TMEM117: variants seen among roughly 807,000 people sequenced by gnomAD.
TMEM117 encodes the protein transmembrane protein 117.
Under a neutral mutation model 52.4 loss-of-function variants are expected in TMEM117, and 27 were observed. That is an observed-to-expected ratio of 0.51 (90% CI 0.38 to 0.71). TMEM117 has a LOEUF of 0.71. TMEM117 is among the 30% of genes least tolerant of loss of function. TMEM117 has a pLI of 0.00. For synonymous variants in TMEM117, 215 were observed against 206.3 expected (o/e 1.04, Z -0.36); for missense variants, 556 against 630.5 (o/e 0.88, Z 1.26).
chr12:44,236,886 A>C (rs1425982778), intron 5 of TMEM117, among the ~76,000 whole-genome samples: 1 of 152,108 alleles, frequency 6.6e-6, no homozygotes, highest in Non-Finnish European at 1.5e-5. Context: ...TTCAAAGTTC[A>C]CCTGTCATAA....
At chr12:44,122,519 G>A (rs1186150901) in intron 3 of TMEM117, among the ~76,000 whole-genome samples, 1 of 152,000 alleles carries the variant, frequency 6.6e-6, no homozygotes, top group Non-Finnish European at 1.5e-5. Context: ...CAGATATTAG[G>A]CCCAGCATCC....
At chr12:43,873,654 TC>T (rs1194616498) in intron 2 of TMEM117, among the ~76,000 whole-genome samples, 1 of 151,894 alleles carries the variant, frequency 6.6e-6, no homozygotes, top group African/African-American at 2.4e-5. Flanking sequence ...ATTTTGTCTT[TC>T]TTTCTGTACA....
intron 2 of TMEM117, among the ~76,000 whole-genome samples, chr12:43,863,274 AC>A (rs1943521982): frequency 1.6e-5 from 2 of 121,604 alleles, no homozygotes; most frequent in Non-Finnish European, 3.7e-5. Context: ...AAACAAACAA[AC>A]AAACAAACAA....
intron 5 of TMEM117, among the ~76,000 whole-genome samples, chr12:44,234,398 T>C (rs1011768235): frequency 4.6e-5 from 7 of 151,490 alleles, no homozygotes; most frequent in African/African-American, 1.7e-4. Flanking sequence ...GAAGTTGTTC[T>C]TAATTTTCTC....
chr12:44,299,776 A>G (rs1365320445), intron 6 of TMEM117, 37 bp downstream of exon 6: 7 of 1,611,086 alleles, frequency 4.3e-6, no homozygotes, highest in East Asian at 2.2e-5. Flanking sequence ...AAGCTGCTGC[A>G]TGCTCTGTTC....
chr12:43,967,755 A>G (rs1011925866), intron 3 of TMEM117, among the ~76,000 whole-genome samples: 1 of 152,204 alleles, frequency 6.6e-6, no homozygotes, highest in African/African-American at 2.4e-5. Context: ...ACAGAAACTG[A>G]GATAATGAAT....
chr12:44,387,142 T>C (rs941383077), intron 7 of TMEM117, among the ~76,000 whole-genome samples: 3 of 151,762 alleles, frequency 2.0e-5, no homozygotes, highest in Non-Finnish European at 4.4e-5. Flanking sequence ...TAAAAAATTA[T>C]AATAGAATCT....
At chr12:44,203,525 G>A (rs1392193234) in intron 4 of TMEM117, among the ~76,000 whole-genome samples, 40 of 151,936 alleles carry the variant, frequency 2.6e-4, no homozygotes, top group Non-Finnish European at 2.9e-4. Flanking sequence ...TGTTTTTCTA[G>A]TCCTCTAGGT....
chr12:44,036,792 C>A lies in TMEM117; in HGVS notation c.410+92450C>A, dbSNP rs145780562. Among the ~76,000 whole-genome samples the A allele has an allele frequency of 1.0e-3, 155 of 152,224 alleles. 2 individuals carry two copies. In the East Asian group the frequency reaches 0.025, roughly 24 times the overall value. ...TATCTTCAACTTTGTTACATAATGC[C>A]AAATGATTATCCAGGTTGGTTGTAC... On this transcript the variant is annotated intron_variant, in intron 3 of 7. Coordinates refer to ENST00000266534, the MANE Select transcript of TMEM117 (RefSeq NM_032256.3).
intron 6 of TMEM117, among the ~76,000 whole-genome samples, chr12:44,374,509 TC>T (rs1951911236): frequency 6.6e-6 from 1 of 152,026 alleles, no homozygotes; most frequent in African/African-American, 2.4e-5. Flanking sequence ...AAAGTAATCT[TC>T]CAGATAAAAA....
intron 3 of TMEM117, among the ~76,000 whole-genome samples, chr12:43,988,382 A>G (rs953230845): frequency 6.6e-6 from 1 of 152,134 alleles, no homozygotes. Context: ...GCTTATGTCC[A>G]TATATATCAC....
Position 43,901,510 on chromosome 12 carries a change from C to T in TMEM117, c.278-42700C>T, listed in dbSNP as rs150170355. On this transcript the variant is annotated intron_variant, in intron 2 of 7. Transcript: ENST00000266534. ...GTTTTTAGTAAGAGACGGGGTTTCA[C>T]TATGTTGTCCAGGCTGGTCTTGAAC... Among the ~76,000 whole-genome samples the T allele has an allele frequency of 9.0e-4, 137 of 152,260 alleles. 1 individual carries two copies. Among genetic ancestry groups the T allele is most frequent in the African/African-American group, 3.1e-3 (129 of 41,554 alleles).
At chr12:44,352,624 CTCA>C (rs1951581016) in intron 6 of TMEM117, among the ~76,000 whole-genome samples, 1 of 152,082 alleles carries the variant, frequency 6.6e-6, no homozygotes, top group South Asian at 2.1e-4. Flanking sequence ...AGGACATGAA[CTCA>C]TCATTTTTTA....
intron 2 of TMEM117, among the ~76,000 whole-genome samples, chr12:43,901,095 T>C (rs995452010): frequency 6.6e-6 from 1 of 152,204 alleles, no homozygotes; most frequent in African/African-American, 2.4e-5. Context: ...TTTGAATAAA[T>C]GTCTAATTTT....
At chr12:44,120,121 TGTGCCCAGAGAAG>T (rs1255739226) in intron 3 of TMEM117, among the ~76,000 whole-genome samples, 1 of 152,062 alleles carries the variant, frequency 6.6e-6, no homozygotes, top group African/African-American at 2.4e-5. Flanking sequence ...CATGAAGGTG[TGTGCCCAGAGAAG>T]GTAAAATCAT....
intron 3 of TMEM117, among the ~76,000 whole-genome samples, chr12:44,107,798 T>C (rs1023590481): frequency 7.2e-5 from 11 of 152,168 alleles, no homozygotes; most frequent in Non-Finnish European, 1.3e-4. Context: ...TTTGTTTTCT[T>C]TGTGGACAGA....
the TMEM117 span, among the ~76,000 whole-genome samples, chr12:43,800,983 C>T: frequency 6.6e-6 from 1 of 152,124 alleles, no homozygotes; most frequent in African/African-American, 2.4e-5. Flanking sequence ...AACTCCTGAC[C>T]TCTGGTGATC....
intron 3 of TMEM117, among the ~76,000 whole-genome samples, chr12:44,103,959 C>T (rs79269636): frequency 0.01 from 1,543 of 151,940 alleles, 10 homozygotes; most frequent in African/African-American, 0.016. Context: ...TGTTCATTAT[C>T]GCAGTTTCAT....
chr12:43,804,205 A>T, the TMEM117 span: 2 of 466,780 alleles, frequency 4.3e-6, no homozygotes, highest in African/African-American at 2.0e-5. Flanking sequence ...CCAGAGATGG[A>T]AGCACTGACA....
Sources: allele counts gnomAD v4.1 joint callset (sites outside exome capture counted in the v4.1 genomes callset), GRCh38; gene constraint gnomAD v4.1.1; transcripts MANE v1.5; gene names NCBI Gene and HGNC (gene_info 2026-07-23, HGNC 2026-07-21).